The following ZNF599 variants were observed in gnomAD, a reference collection of about 807,000 sequenced individuals.
ZNF599 encodes the protein zinc finger protein 599.
A neutral mutation model predicts 11.7 loss-of-function variants in ZNF599; 10 were observed. That is an observed-to-expected ratio of 0.86 (90% CI 0.53 to 1.45). ZNF599 has a LOEUF of 1.45. Among genes scored for constraint, ZNF599 ranks in the 40% most tolerant of loss-of-function variants. ZNF599 has a pLI of 0.00. For synonymous variants in ZNF599, 232 were observed against 253.2 expected, an observed-to-expected ratio of 0.92 and a Z score of 0.79; for missense variants, 688 against 713.6, an observed-to-expected ratio of 0.96 and a Z score of 0.41.
chr19:34,806,051 C>T, the ZNF599 span, among the ~76,000 whole-genome samples: 1 of 152,192 alleles, frequency 6.6e-6, no homozygotes, highest in Non-Finnish European at 1.5e-5. Context: ...AGTCCCAAGG[C>T]ACCACAATCC....
chr19:34,773,234 C>A (rs2069198202), upstream of ZNF599: 1 of 229,568 alleles, frequency 4.4e-6, no homozygotes, highest in African/African-American at 2.3e-5. Context: ...GCCCACGCCG[C>A]TACGGGAACG....
the ZNF599 span, among the ~76,000 whole-genome samples, chr19:34,794,893 T>A: frequency 6.6e-6 from 1 of 152,032 alleles, no homozygotes; most frequent in Admixed American, 6.6e-5. Context: ...CTTAAGGGGT[T>A]GTAGAAGGGT....
intron 2 of ZNF599, among the ~76,000 whole-genome samples, chr19:34,767,998 C>T (rs978918047): frequency 6.6e-6 from 1 of 152,170 alleles, no homozygotes; most frequent in Admixed American, 6.5e-5. Context: ...TGCAGCCACA[C>T]ACATTTTGCC....
intron 2 of ZNF599, 95 bp from the exon 3 acceptor site, chr19:34,767,506 A>G: frequency 5.6e-6 from 5 of 890,294 alleles, no homozygotes; most frequent in South Asian, 1.8e-5. Context: ...ACATACTGCA[A>G]TGAAACCCCA....
chr19:34,777,655 A>C (rs1220288663), upstream of ZNF599, among the ~76,000 whole-genome samples: 2 of 146,264 alleles, frequency 1.4e-5, no homozygotes, highest in Non-Finnish European at 3.0e-5. Flanking sequence ...AAAAATGAGG[A>C]AATCCTGCCA....
intron 3 of ZNF599, among the ~76,000 whole-genome samples, chr19:34,766,737 C>T (rs2069146440): frequency 6.6e-6 from 1 of 152,172 alleles, no homozygotes; most frequent in African/African-American, 2.4e-5. Context: ...AAAAGCTAAA[C>T]CACATTTCCC....
intron 3 of ZNF599, chr19:34,763,452 G>C (rs938110336): frequency 1.4e-4 from 21 of 152,104 alleles, no homozygotes; most frequent in African/African-American, 4.8e-4. Context: ...CTGAAGGTCG[G>C]GAGTTCAAGA....
chr19:34,798,716 C>T, the ZNF599 span, among the ~76,000 whole-genome samples: 1 of 152,204 alleles, frequency 6.6e-6, no homozygotes, highest in Non-Finnish European at 1.5e-5. Flanking sequence ...TTGCCTCATA[C>T]ATTTGTAATA....
chr19:34,795,028 T>C, the ZNF599 span, among the ~76,000 whole-genome samples: 1 of 152,208 alleles, frequency 6.6e-6, no homozygotes, highest in South Asian at 2.1e-4. Context: ...CTTTATTTTC[T>C]GGGTCAGAAG....
chr19:34,799,218 G>GT, the ZNF599 span, among the ~76,000 whole-genome samples: 5 of 152,188 alleles, frequency 3.3e-5, no homozygotes, highest in East Asian at 9.7e-4. Context: ...GCCCAGGCTG[G>GT]TCTGGAACTC....
intron 3 of ZNF599, among the ~76,000 whole-genome samples, chr19:34,761,931 TAATA>T (rs892199932): frequency 1.2e-4 from 18 of 151,926 alleles, no homozygotes; most frequent in African/African-American, 4.1e-4. Context: ...AGAGTAAATA[TAATA>T]AACAAAAAAG....
At chr19:34,792,618 C>A in the ZNF599 span, among the ~76,000 whole-genome samples, 1 of 152,148 alleles carries the variant, frequency 6.6e-6, no homozygotes, top group South Asian at 2.1e-4. Flanking sequence ...AATCCCAGCA[C>A]TTTGGGAGGC....
At position 34,758,894 on chromosome 19, in the gene ZNF599, A is replaced by G. The variant is rs1451023677; in HGVS notation, c.*140T>C. ...ATTTCACAGGGACAATTCTGTTTCT[A>G]GTTAGTATAAATTATCAGATACTAA... On this transcript the variant is annotated 3_prime_UTR_variant, in exon 4 of 4. Coordinates refer to ENST00000329285, the MANE Select transcript of ZNF599 (RefSeq NM_001007248.3). The G allele has an allele frequency of 6.5e-6, 5 of 770,232 alleles. No individual in the cohort carries two copies. In the African/African-American group the frequency reaches 8.8e-5, roughly 14 times the overall value. The allele number at this position is 770,232 out of a possible 1,614,324, so 47.7% of individuals were successfully genotyped here.
At chr19:34,785,008 A>G in the ZNF599 span, among the ~76,000 whole-genome samples, 1 of 149,512 alleles carries the variant, frequency 6.7e-6, no homozygotes, top group Non-Finnish European at 1.5e-5. Context: ...CCACAACTGT[A>G]TGTCTAGTTG....
the ZNF599 span, among the ~76,000 whole-genome samples, chr19:34,791,349 A>G: frequency 6.6e-6 from 1 of 152,224 alleles, no homozygotes; most frequent in Non-Finnish European, 1.5e-5. Context: ...CCACATGTTG[A>G]CAATAGAATG....
At chr19:34,779,121 C>G in the ZNF599 span, among the ~76,000 whole-genome samples, 1 of 152,078 alleles carries the variant, frequency 6.6e-6, no homozygotes. Context: ...TGGTCTTACT[C>G]TGTCACCCAG....
intron 3 of ZNF599, chr19:34,764,943 GA>G (rs2069132825): frequency 6.6e-6 from 1 of 152,004 alleles, no homozygotes; most frequent in South Asian, 2.1e-4. Flanking sequence ...GTCTTGTGTA[GA>G]TGTCTCTTCA....
chr19:34,775,168 T>C (rs573874059), upstream of ZNF599, among the ~76,000 whole-genome samples: 59 of 152,352 alleles, frequency 3.9e-4, no homozygotes, highest in African/African-American at 1.4e-3. Context: ...CTCTTTTCTT[T>C]GTAAATTACC....
chr19:34,758,144 A>T lies in ZNF599; in HGVS notation c.*890T>A, dbSNP rs967210710. On this transcript the variant is annotated 3_prime_UTR_variant, in exon 4 of 4. Coordinates refer to ENST00000329285, the MANE Select transcript of ZNF599 (RefSeq NM_001007248.3). Reference sequence around the variant, plus strand: ...CAAGAAACACTGATAAAGTGTCTTTAAACAAACAAACAAACAAATACCCAT... The same window carrying T: ...CAAGAAACACTGATAAAGTGTCTTTTAACAAACAAACAAACAAATACCCAT... 6.6e-6 allele frequency: 1 copy of T among 152,122 alleles called. No individual in the cohort carries two copies. The highest frequency in any genetic ancestry group is 2.4e-5 in the African/African-American group (1 of 41,432). 9.4% of individuals were successfully genotyped at this position (152,122 alleles called of 1,614,324 possible). A position where few individuals can be genotyped will look rare whatever the true frequency, so the allele number is the denominator to read the frequency against.
Sources: allele counts gnomAD v4.1 joint callset (sites outside exome capture counted in the v4.1 genomes callset), GRCh38; gene constraint gnomAD v4.1.1; transcripts MANE v1.5; gene names NCBI Gene and HGNC (gene_info 2026-07-23, HGNC 2026-07-21).